FAM20B: variants seen among roughly 807,000 people sequenced by gnomAD.
FAM20B encodes the protein glycosaminoglycan xylosylkinase.
FAM20B carries 23 observed loss-of-function variants against 43.8 expected under a neutral mutation model. The observed-to-expected ratio is 0.53, with a 90% CI of 0.38 to 0.74. The LOEUF (loss-of-function observed/expected upper bound fraction) is 0.74, where lower values mean the gene tolerates loss of function less well. Ranked by LOEUF, FAM20B falls within the 30% of genes least tolerant of loss-of-function variation. FAM20B has a pLI of 0.00. For synonymous variants in FAM20B, 178 were observed against 192.4 expected, an observed-to-expected ratio of 0.93 and a Z score of 0.62; for missense variants, 440 against 510.5, an observed-to-expected ratio of 0.86 and a Z score of 1.33.
At chr1:179,019,803 T>C in the FAM20B span, among the ~76,000 whole-genome samples, 1 of 152,164 alleles carries the variant, frequency 6.6e-6, no homozygotes. Context: ...AATACCAGCC[T>C]GGTATTACCA....
intron 7 of FAM20B, among the ~76,000 whole-genome samples, chr1:179,068,240 C>T (rs1651772131): frequency 6.6e-6 from 1 of 152,036 alleles, no homozygotes; most frequent in Non-Finnish European, 1.5e-5. Flanking sequence ...TTTTAAATGA[C>T]AACAAAATTC....
intron 4 of FAM20B, among the ~76,000 whole-genome samples, chr1:179,055,652 A>G (rs1418895897): frequency 2.0e-5 from 3 of 152,188 alleles, no homozygotes; most frequent in African/African-American, 4.8e-5. Context: ...ATTGAGGGAA[A>G]GAGTCCAAGA....
chr1:179,040,365 A>AC (rs1312699494), intron 1 of FAM20B, among the ~76,000 whole-genome samples: 3 of 140,966 alleles, frequency 2.1e-5, no homozygotes, highest in South Asian at 2.3e-4. Context: ...CGGGGGGCCA[A>AC]CCCCCCCACT....
Position 179,072,105 on chromosome 1 carries a change from A to G in FAM20B, c.1191A>G (p.Thr397=). The G allele has an allele frequency of 1.2e-6, 2 of 1,614,112 alleles. No homozygotes were observed. Among genetic ancestry groups the G allele is most frequent in the Non-Finnish European group, 1.7e-6 (2 of 1,179,956 alleles). Residue 397 remains threonine (T), a synonymous_variant, in exon 8 of 8, where the codon ACA becomes ACG. Transcript: ENST00000263733. The stretch of plus-strand genomic sequence containing the variant: ...GCACCGACCAGTTTGGGATGGACAC[A>G]GTACTGGTGGAAGACAGGATGCCTC... ...KQCTDQFGMD[T]VLVEDRMPLS...
At chr1:179,051,398 G>A (rs946249695) in intron 3 of FAM20B, among the ~76,000 whole-genome samples, 1 of 151,994 alleles carries the variant, frequency 6.6e-6, no homozygotes, top group Non-Finnish European at 1.5e-5. Flanking sequence ...GCTGAGGTGG[G>A]CAGATCACTT....
chr1:179,035,028 A>C (rs1023111668), intron 1 of FAM20B, among the ~76,000 whole-genome samples: 2 of 152,202 alleles, frequency 1.3e-5, no homozygotes, highest in East Asian at 3.8e-4. Context: ...TTGTCACTTA[A>C]TCAGAGGGTG....
At chr1:179,026,385 C>G (rs1649777528) in intron 1 of FAM20B, among the ~76,000 whole-genome samples, 1 of 151,892 alleles carries the variant, frequency 6.6e-6, no homozygotes, top group South Asian at 2.1e-4. Flanking sequence ...TCGGCCGCCA[C>G]GTCCCTGGCC....
At chr1:179,061,828 T>A (rs1651477161) in intron 4 of FAM20B, among the ~76,000 whole-genome samples, 1 of 152,158 alleles carries the variant, frequency 6.6e-6, no homozygotes, top group Non-Finnish European at 1.5e-5. Flanking sequence ...CACCATGAAC[T>A]CACTATGAGC....
At chr1:179,068,958 A>T (rs1651806374) in intron 7 of FAM20B, among the ~76,000 whole-genome samples, 1 of 152,238 alleles carries the variant, frequency 6.6e-6, no homozygotes, top group Non-Finnish European at 1.5e-5. Flanking sequence ...TGGGGTGTAC[A>T]TTCAAGCCAC....
intron 7 of FAM20B, among the ~76,000 whole-genome samples, chr1:179,068,678 C>T (rs1239432110): frequency 6.6e-6 from 1 of 152,142 alleles, no homozygotes; most frequent in East Asian, 1.9e-4. Context: ...TTGTGATCTG[C>T]CTGCCTCGGC....
rs1014673165 is a variant in FAM20B at position 179,073,895 on chromosome 1, C to T, written c.*1751C>T. The stretch of plus-strand genomic sequence containing the variant: ...GGAAGACAGGCCTGATGTGCCCACT[C>T]ATCTATGGACTCAGAGCTGTGTGCT... On this transcript the variant is annotated 3_prime_UTR_variant, in exon 8 of 8. Transcript: ENST00000263733. 1 of 152,224 alleles carries T rather than the reference C, an allele frequency of 6.6e-6. No homozygotes were observed. The highest frequency in any genetic ancestry group is 1.5e-5 in the Non-Finnish European group (1 of 68,038). The allele number at this position is 152,224 out of a possible 1,614,324, so 9.4% of individuals were successfully genotyped here.
intron 4 of FAM20B, among the ~76,000 whole-genome samples, chr1:179,057,625 A>G (rs1651282866): frequency 6.6e-6 from 1 of 152,226 alleles, no homozygotes. Context: ...ACTAATTGTT[A>G]GCCAGGATCC....
intron 4 of FAM20B, among the ~76,000 whole-genome samples, chr1:179,058,943 AAC>A (rs957706085): frequency 1.4e-4 from 22 of 152,220 alleles, no homozygotes; most frequent in Admixed American, 1.2e-3. Context: ...TGGAGCTGTT[AAC>A]TATTTTAGGA....
At chr1:179,067,243 A>G (rs1651729068) in intron 7 of FAM20B, among the ~76,000 whole-genome samples, 1 of 152,088 alleles carries the variant, frequency 6.6e-6, no homozygotes, top group Admixed American at 6.6e-5. Flanking sequence ...CACCCATCAC[A>G]TACCACCTGG....
At chr1:179,027,210 A>C (rs1422857705) in intron 1 of FAM20B, among the ~76,000 whole-genome samples, 2 of 152,130 alleles carry the variant, frequency 1.3e-5, no homozygotes, top group Non-Finnish European at 2.9e-5. Context: ...ACAAATTACT[A>C]TTGCCATTTA....
chr1:179,020,512 C>A, the FAM20B span, among the ~76,000 whole-genome samples: 1 of 152,120 alleles, frequency 6.6e-6, no homozygotes, highest in Non-Finnish European at 1.5e-5. Flanking sequence ...GCTATCTTCC[C>A]TTGAAAATAA....
intron 3 of FAM20B, 54 bp downstream of exon 3, chr1:179,050,419 C>T: frequency 7.3e-7 from 1 of 1,373,850 alleles, no homozygotes; most frequent in Non-Finnish European, 1.0e-6. Flanking sequence ...AAAAATCTTT[C>T]TTGGAGAGGA....
intron 4 of FAM20B, among the ~76,000 whole-genome samples, chr1:179,058,510 G>T (rs1017240629): frequency 6.6e-6 from 1 of 152,208 alleles, no homozygotes; most frequent in Non-Finnish European, 1.5e-5. Flanking sequence ...AGACTGTGCT[G>T]TTTAGCTGAA....
intron 2 of FAM20B, among the ~76,000 whole-genome samples, chr1:179,045,522 G>A (rs186703659): frequency 6.6e-6 from 1 of 152,290 alleles, no homozygotes; most frequent in Admixed American, 6.5e-5. Flanking sequence ...GAAATGGAAG[G>A]GATCACTGTT....
Sources: gnomAD v4.1 joint callset for allele counts (sites outside exome capture counted in the v4.1 genomes callset) on GRCh38, gnomAD v4.1.1 for gene constraint, MANE v1.5 for transcripts, NCBI Gene and HGNC (gene_info 2026-07-23, HGNC 2026-07-21) for gene names.